ACAA2: variants seen among roughly 807,000 people sequenced by gnomAD.
The protein encoded by ACAA2 is 3-ketoacyl-CoA thiolase, mitochondrial.
A neutral mutation model predicts 44.8 loss-of-function variants in ACAA2; 35 were observed. That is an observed-to-expected ratio of 0.78 (90% CI 0.60 to 1.04). The LOEUF is 1.04. ACAA2 is among the 50% of genes least tolerant of loss of function. ACAA2 has a pLI of 0.00. For synonymous variants in ACAA2, 142 were observed against 166.5 expected (o/e 0.85, Z 1.13); for missense variants, 468 against 482.6 (o/e 0.97, Z 0.28).
In ACAA2 at chr18:49,787,277, A is replaced by C. The variant is rs7237594; in HGVS notation, c.954+14T>G. ...CATGTTGTTAAAAAAAAAAAAAAAA[A>C]AAAAAACACTTACCTCTACCAAATC... is the stretch of plus-strand genomic sequence containing the variant. On this transcript the variant is annotated intron_variant, in intron 8 of 9. Transcript: ENST00000285093. 210 of 1,465,182 alleles carry C rather than the reference A, an allele frequency of 1.4e-4. No individual in the cohort carries two copies. In the African/African-American group the frequency reaches 1.9e-3, roughly 13 times the overall value. 90.8% of individuals were successfully genotyped at this position (1,465,182 alleles called of 1,614,324 possible). A position where few individuals can be genotyped will look rare whatever the true frequency, so the allele number is the denominator to read the frequency against.
intron 7 of ACAA2, among the ~76,000 whole-genome samples, chr18:49,790,858 A>G (rs2023389847): frequency 6.6e-6 from 1 of 152,222 alleles, no homozygotes; most frequent in African/African-American, 2.4e-5. Context: ...CAAGAGGAAT[A>G]TTAATTTGAC....
At chr18:49,784,223 A>G (rs991958747) in intron 9 of ACAA2, among the ~76,000 whole-genome samples, 2 of 152,224 alleles carry the variant, frequency 1.3e-5, no homozygotes, top group Non-Finnish European at 2.9e-5. Flanking sequence ...GGTATATGAA[A>G]CACATACAGA....
intron 2 of ACAA2, among the ~76,000 whole-genome samples, chr18:49,798,725 CAATT>C (rs1003693047): frequency 3.9e-5 from 6 of 152,090 alleles, no homozygotes; most frequent in African/African-American, 1.2e-4. Flanking sequence ...AGTATAACAT[CAATT>C]AATCTACTAA....
intron 1 of ACAA2, among the ~76,000 whole-genome samples, chr18:49,804,578 C>G (rs939573774): frequency 6.6e-6 from 1 of 152,176 alleles, no homozygotes; most frequent in African/African-American, 2.4e-5. Context: ...CTGCTTTCCT[C>G]TAAAGACACT....
intron 8 of ACAA2, among the ~76,000 whole-genome samples, chr18:49,786,888 C>A (rs7237038): frequency 6.6e-6 from 1 of 152,044 alleles, no homozygotes; most frequent in Non-Finnish European, 1.5e-5. Flanking sequence ...CTCTATCTGG[C>A]GAGAAGGGCA....
At chr18:49,792,131 A>C in intron 6 of ACAA2, 21 bp downstream of exon 6, 3 of 1,599,026 alleles carry the variant, frequency 1.9e-6, no homozygotes, top group Middle Eastern at 1.7e-4. Context: ...AATTCAAGCT[A>C]ATCTGTGTGG....
chr18:49,796,067 TAGG>T (rs1272163586), intron 3 of ACAA2, among the ~76,000 whole-genome samples, 186 bp from the exon 4 acceptor site: 2 of 152,184 alleles, frequency 1.3e-5, no homozygotes, highest in Non-Finnish European at 2.9e-5. Flanking sequence ...TACCAAGATG[TAGG>T]AGGAGAAAAC....
At chr18:49,792,681 C>T (rs1455529947) in intron 5 of ACAA2, among the ~76,000 whole-genome samples, 3 of 152,072 alleles carry the variant, frequency 2.0e-5, no homozygotes, top group Admixed American at 1.3e-4. Context: ...CTCACCACCT[C>T]GTGATCCACC....
intron 1 of ACAA2, among the ~76,000 whole-genome samples, chr18:49,813,255 A>T (rs1164593021): frequency 6.6e-6 from 1 of 152,242 alleles, no homozygotes; most frequent in Non-Finnish European, 1.5e-5. Flanking sequence ...ATTGCACCGA[A>T]ATCGCTGTCG....
At chr18:49,811,209 T>C (rs1259745669) in intron 1 of ACAA2, among the ~76,000 whole-genome samples, 1 of 152,034 alleles carries the variant, frequency 6.6e-6, no homozygotes, top group East Asian at 1.9e-4. Flanking sequence ...CCTGGAAAGA[T>C]GTGCTGAGTT....
At chr18:49,791,654 AGT>A in intron 6 of ACAA2, 55 bp from the exon 7 acceptor site, 7 of 1,575,926 alleles carry the variant, frequency 4.4e-6, no homozygotes, top group Non-Finnish European at 6.1e-6. Flanking sequence ...AGTTAATCAA[AGT>A]TTGAACTAAT....
chr18:49,787,263 A>T, intron 8 of ACAA2, 28 bp downstream of exon 8: 1 of 1,233,244 alleles, frequency 8.1e-7, no homozygotes, highest in South Asian at 1.8e-5. Flanking sequence ...ATGTTGTTAA[A>T]AAAAAAAAAA....
chr18:49,812,788 T>A (rs1351319404), intron 1 of ACAA2: 1 of 152,180 alleles, frequency 6.6e-6, no homozygotes, highest in Non-Finnish European at 1.5e-5. Context: ...CCTGCCAAGC[T>A]TTTTCCTGTC....
chr18:49,793,546 G>T (rs1208023387), intron 5 of ACAA2, among the ~76,000 whole-genome samples: 1 of 152,232 alleles, frequency 6.6e-6, no homozygotes, highest in East Asian at 1.9e-4. Flanking sequence ...ACACGAGTTA[G>T]ATGGCATCAG....
At chr18:49,797,176 T>G (rs778315318) in intron 3 of ACAA2, among the ~76,000 whole-genome samples, 33 of 152,156 alleles carry the variant, frequency 2.2e-4, no homozygotes, top group Non-Finnish European at 4.4e-4. Flanking sequence ...CTCTATGAAT[T>G]TGACTACGCT....
At chr18:49,789,186 T>C (rs866755982) in intron 7 of ACAA2, among the ~76,000 whole-genome samples, 4 of 151,348 alleles carry the variant, frequency 2.6e-5, no homozygotes, top group East Asian at 1.9e-4. Context: ...GCTTTCCCCG[T>C]TTTTTTTTGG....
At chr18:49,805,487 T>C (rs1298878045) in intron 1 of ACAA2, among the ~76,000 whole-genome samples, 1 of 152,224 alleles carries the variant, frequency 6.6e-6, no homozygotes, top group Non-Finnish European at 1.5e-5. Flanking sequence ...GGTTATTCTG[T>C]ACCATGATGC....
chr18:49,797,822 A>C (rs1439652326), intron 2 of ACAA2, among the ~76,000 whole-genome samples: 2 of 152,170 alleles, frequency 1.3e-5, no homozygotes, highest in African/African-American at 4.8e-5. Context: ...TTGGGGCAAA[A>C]TACACATAAC....
chr18:49,799,870 A>ATGTGAGGAGCGCCTCTGCCCGGCTGC (rs2023517611), intron 2 of ACAA2, among the ~76,000 whole-genome samples: 1 of 7,692 alleles, frequency 1.3e-4, no homozygotes, highest in Non-Finnish European at 2.3e-4. Context: ...CCCGGCCGCG[A>ATGTGAGGAGCGCCTCTGCCCGGCTGC]CCCCATCTGG....
Sources: allele counts gnomAD v4.1 joint callset (sites outside exome capture counted in the v4.1 genomes callset), GRCh38; gene constraint gnomAD v4.1.1; transcripts MANE v1.5; gene names NCBI Gene and HGNC (gene_info 2026-07-23, HGNC 2026-07-21).